The following ZFHX4 variants were observed in gnomAD, a reference collection of about 807,000 sequenced individuals.
ZFHX4 encodes the protein zinc finger homeobox protein 4.
A neutral mutation model predicts 267.6 loss-of-function variants in ZFHX4; 56 were observed. That is an observed-to-expected ratio of 0.21 (90% CI 0.17 to 0.26). ZFHX4 has a LOEUF of 0.26. ZFHX4 is among the 10% of genes least tolerant of loss of function. ZFHX4 has a pLI of 1.00. For missense variants in ZFHX4, 4,332 were observed against 4,420.0 expected (o/e 0.98, Z 0.56); for synonymous variants, 1,778 against 1,665.6 (o/e 1.07, Z -1.64).
chr8:76,855,335 C>T lies in ZFHX4; in HGVS notation c.8414C>T (p.Ser2805Leu). ...AAAACCGATTTTGATGAGACTTCATCGATTAATACGGCAATCAGTGACGCC... is the reference window on the plus strand; with the variant it reads ...AAAACCGATTTTGATGAGACTTCATTGATTAATACGGCAATCAGTGACGCC... ...QNKTDFDETS[S>L]INTAISDATT... is the part of the protein sequence containing the mutation. The change falls in exon 10 of 11, where the codon TCG (serine) becomes TTG (leucine). Residue 2805 changes from serine (S) to leucine (L), a missense_variant. Coordinates refer to ENST00000651372, the MANE Select transcript of ZFHX4 (RefSeq NM_024721.5). 1.2e-6 allele frequency: 2 copies of T among 1,613,644 alleles called. No homozygotes were observed. The highest frequency in any genetic ancestry group is 1.7e-6 in the Non-Finnish European group (2 of 1,179,824).
intron 3 of ZFHX4, among the ~76,000 whole-genome samples, chr8:76,749,965 T>A (rs1348072091): frequency 1.3e-5 from 2 of 152,174 alleles, no homozygotes; most frequent in African/African-American, 2.4e-5. Flanking sequence ...ATGTTGTATA[T>A]CTGGAAGCTT....
intron 4 of ZFHX4, among the ~76,000 whole-genome samples, chr8:76,811,579 C>T (rs187562498): frequency 2.2e-3 from 339 of 152,124 alleles, no homozygotes; most frequent in African/African-American, 7.6e-3. Context: ...TGTTTGGAGA[C>T]CCACCCAGAC....
intron 5 of ZFHX4, 94 bp downstream of exon 5, chr8:76,833,500 C>G: frequency 1.0e-6 from 1 of 974,184 alleles, no homozygotes; most frequent in Non-Finnish European, 1.6e-6. Flanking sequence ...TTCTCTGGAA[C>G]TTCTCTAATT....
rs749307078 is a variant in ZFHX4, at chr8:76,856,562, T to C, written c.9379+262T>C. On this transcript the variant is annotated intron_variant, in intron 10 of 10. Coordinates refer to ENST00000651372, the MANE Select transcript of ZFHX4 (RefSeq NM_024721.5). ...AATTATTTGTATCATTACAGCTCCA[T>C]GTCATAGAAATATTTTATTTTTATA... 2.5e-4 allele frequency among the ~76,000 whole-genome samples: 38 copies of C among 152,314 alleles called. 1 individual carries two copies. Among genetic ancestry groups the C allele is most frequent in the Admixed American group, 1.3e-4 (2 of 15,306 alleles).
At chr8:76,827,586 TA>T (rs1339813508) in intron 4 of ZFHX4, among the ~76,000 whole-genome samples, 17 of 152,260 alleles carry the variant, frequency 1.1e-4, no homozygotes, top group African/African-American at 4.1e-4. Flanking sequence ...TTAGTAAATT[TA>T]AGAAAAAACA....
At chr8:76,788,641 G>A (rs1003854416) in intron 4 of ZFHX4, among the ~76,000 whole-genome samples, 2 of 152,160 alleles carry the variant, frequency 1.3e-5, no homozygotes, top group Non-Finnish European at 2.9e-5. Context: ...GGTGTTTGAA[G>A]ACATATGAAA....
chr8:76,694,905 C>A (rs1211164247), intron 1 of ZFHX4, among the ~76,000 whole-genome samples: 1 of 151,752 alleles, frequency 6.6e-6, no homozygotes, highest in Non-Finnish European at 1.5e-5. Flanking sequence ...AGCCATCCTC[C>A]CGTGCAATCA....
At chr8:76,712,317 G>A (rs1808446972) in intron 3 of ZFHX4, among the ~76,000 whole-genome samples, 1 of 152,098 alleles carries the variant, frequency 6.6e-6, no homozygotes, top group Non-Finnish European at 1.5e-5. Flanking sequence ...AGAGGAGAAT[G>A]CAAGGAGGCA....
chr8:76,689,447 A>G (rs759117717), intron 1 of ZFHX4, among the ~76,000 whole-genome samples: 3 of 152,176 alleles, frequency 2.0e-5, no homozygotes, highest in Non-Finnish European at 4.4e-5. Flanking sequence ...ATATGTGAAC[A>G]GATGGACACA....
In ZFHX4 at chr8:76,705,810, A is replaced by T. The variant is rs771128763; in HGVS notation, c.1722A>T (p.Pro574=). The T allele has an allele frequency of 6.2e-7, 1 of 1,613,928 alleles. No homozygotes were observed. The highest frequency in any genetic ancestry group is 8.5e-7 in the Non-Finnish European group (1 of 1,179,866). ...AAGACAGTGCCACAGCTGCTCATCC[A>T]AGTGAAATAGCCCGGGGAGACGAAG... is the stretch of plus-strand genomic sequence containing the variant. ...ASKDSATAAH[P]SEIARGDEDS... The change falls in exon 2 of 11, where the codon CCA becomes CCT. Residue 574 remains proline (P), a synonymous_variant. Transcript: ENST00000651372.
intron 3 of ZFHX4, among the ~76,000 whole-genome samples, chr8:76,735,041 GT>G (rs2131670018): frequency 6.6e-6 from 1 of 152,182 alleles, no homozygotes; most frequent in South Asian, 2.1e-4. Context: ...CTATCCTAGG[GT>G]TATGATCTGA....
chr8:76,827,150 G>T (rs1403854370), intron 4 of ZFHX4, among the ~76,000 whole-genome samples: 1 of 152,242 alleles, frequency 6.6e-6, no homozygotes, highest in Non-Finnish European at 1.5e-5. Flanking sequence ...TCCACAGACG[G>T]AGTGGTCAGG....
In ZFHX4 at chr8:76,851,719, G is replaced by A. The variant is rs1206993412; in HGVS notation, c.4798G>A (p.Val1600Ile). ...ACCCTACAAGTGCAGCATCTGCAAT[G>A]TTGCATACAGCCAAAGCTCAACATT... ...NKPYKCSICN[V>I]AYSQSSTLEI... The change falls in exon 10 of 11, where the codon GTT becomes ATT. Residue 1600 changes from valine (V) to isoleucine (I), a missense_variant. Transcript: ENST00000651372. 2 of 1,613,960 alleles carry A rather than the reference G, an allele frequency of 1.2e-6. No individual in the cohort carries two copies. The highest frequency in any genetic ancestry group is 1.7e-5 in the Admixed American group (1 of 60,030).
chr8:76,704,337 C>T lies in ZFHX4; in HGVS notation c.249C>T (p.Asn83=). The change falls in exon 2 of 11, where the codon AAC becomes AAT. Residue 83 remains asparagine, a synonymous_variant. Coordinates refer to ENST00000651372, the MANE Select transcript of ZFHX4 (RefSeq NM_024721.5). ...QVTSAKEIPC[N]ECATSFPSLQ... ...CCTCAGCAAAGGAGATACCCTGCAA[C>T]GAATGTGCCACTTCTTTTCCCAGTT... 6.2e-6 allele frequency: 10 copies of T among 1,614,006 alleles called. No individual in the cohort carries two copies. The highest frequency in any genetic ancestry group is 8.5e-6 in the Non-Finnish European group (10 of 1,179,896).
At chr8:76,738,673 CCCTT>C (rs1585896794) in intron 3 of ZFHX4, among the ~76,000 whole-genome samples, 1 of 134,364 alleles carries the variant, frequency 7.4e-6, no homozygotes, top group African/African-American at 2.8e-5. Context: ...CTCCCTCCCT[CCCTT>C]CCTCCCTCCC....
At chr8:76,748,434 A>G (rs1174596014) in intron 3 of ZFHX4, among the ~76,000 whole-genome samples, 1 of 152,010 alleles carries the variant, frequency 6.6e-6, no homozygotes, top group Non-Finnish European at 1.5e-5. Context: ...TTATTGTTTT[A>G]TTTGTATTTG....
At chr8:76,797,807 G>C (rs921477572) in intron 4 of ZFHX4, among the ~76,000 whole-genome samples, 5 of 151,910 alleles carry the variant, frequency 3.3e-5, no homozygotes, top group African/African-American at 1.2e-4. Flanking sequence ...AACTATAAGA[G>C]GTATTTTATT....
At chr8:76,735,586 C>T (rs1450844654) in intron 3 of ZFHX4, among the ~76,000 whole-genome samples, 1 of 152,062 alleles carries the variant, frequency 6.6e-6, no homozygotes, top group East Asian at 1.9e-4. Flanking sequence ...AGAAAGTCTT[C>T]TGTTTTATAA....
At chr8:76,726,010 G>T (rs1808843487) in intron 3 of ZFHX4, among the ~76,000 whole-genome samples, 1 of 152,138 alleles carries the variant, frequency 6.6e-6, no homozygotes, top group African/African-American at 2.4e-5. Context: ...GCAGTTTGTT[G>T]TAACATAATG....
Sources: allele counts gnomAD v4.1 joint callset (sites outside exome capture counted in the v4.1 genomes callset), GRCh38; gene constraint gnomAD v4.1.1; transcripts MANE v1.5; gene names NCBI Gene and HGNC (gene_info 2026-07-23, HGNC 2026-07-21).